The following RBMS3 variants were observed in gnomAD, a reference collection of about 807,000 sequenced individuals.
RBMS3 encodes RNA binding motif single stranded interacting protein 3, also known as RNA-binding motif, single-stranded-interacting protein 3.
In RBMS3, 27 loss-of-function variants were observed where a neutral mutation model predicts 66.8. The observed-to-expected ratio is 0.40, with a 90% CI of 0.30 to 0.56. The LOEUF (loss-of-function observed/expected upper bound fraction) is 0.56, where lower values mean the gene tolerates loss of function less well. Ranked by LOEUF, RBMS3 falls within the 20% of genes least tolerant of loss-of-function variation. The pLI is 0.40. For synonymous variants in RBMS3, 188 were observed against 183.0 expected (o/e 1.03, Z -0.22); for missense variants, 513 against 549.5 (o/e 0.93, Z 0.66).
chr3:29,892,079 C>T (rs1196677217), intron 8 of RBMS3, among the ~76,000 whole-genome samples: 1 of 151,494 alleles, frequency 6.6e-6, no homozygotes. Context: ...ACCGCCAAAT[C>T]CCCTGAAGAT....
intron 4 of RBMS3, among the ~76,000 whole-genome samples, chr3:29,709,824 A>G (rs1179627919): frequency 6.6e-6 from 1 of 152,204 alleles, no homozygotes; most frequent in Non-Finnish European, 1.5e-5. Context: ...TTCTTCCTCT[A>G]AGAAAGCTAT....
At chr3:29,401,704 C>T (rs1210863666) in intron 1 of RBMS3, among the ~76,000 whole-genome samples, 1 of 152,016 alleles carries the variant, frequency 6.6e-6, no homozygotes, top group Non-Finnish European at 1.5e-5. Context: ...ATGGAATTTG[C>T]CTTCTTTTCA....
At chr3:29,388,060 A>C (rs963452563) in intron 1 of RBMS3, among the ~76,000 whole-genome samples, 1 of 150,530 alleles carries the variant, frequency 6.6e-6, no homozygotes, top group African/African-American at 2.5e-5. Context: ...TAACTTCCCC[A>C]ACCAAACTGT....
chr3:29,732,680 T>G (rs1213290131), intron 4 of RBMS3, among the ~76,000 whole-genome samples: 1 of 152,222 alleles, frequency 6.6e-6, no homozygotes, highest in Non-Finnish European at 1.5e-5. Context: ...GGGCAGTTTG[T>G]TAACATGGAA....
At chr3:29,792,016 C>A (rs2057027916) in intron 6 of RBMS3, among the ~76,000 whole-genome samples, 1 of 152,074 alleles carries the variant, frequency 6.6e-6, no homozygotes, top group Admixed American at 6.6e-5. Context: ...TAGTTTATCA[C>A]ATGTTTTTAA....
chr3:29,426,824 A>G (rs1368943558), intron 1 of RBMS3, among the ~76,000 whole-genome samples: 2 of 152,210 alleles, frequency 1.3e-5, no homozygotes, highest in Non-Finnish European at 2.9e-5. Context: ...GATGATAATG[A>G]CAATGGTAAT....
intron 4 of RBMS3, among the ~76,000 whole-genome samples, chr3:29,653,562 T>C (rs745306466): frequency 1.3e-5 from 2 of 152,094 alleles, no homozygotes; most frequent in Non-Finnish European, 2.9e-5. Context: ...TGGACCAGAG[T>C]GAGGATGTGT....
At chr3:29,658,924 G>T (rs563378528) in intron 4 of RBMS3, among the ~76,000 whole-genome samples, 233 of 152,318 alleles carry the variant, frequency 1.5e-3, no homozygotes, top group African/African-American at 5.5e-3. Flanking sequence ...CCGGGTTCAA[G>T]CGATTCTACT....
intron 1 of RBMS3, among the ~76,000 whole-genome samples, chr3:29,322,851 A>T (rs892189911): frequency 6.6e-6 from 1 of 152,150 alleles, no homozygotes; most frequent in Non-Finnish European, 1.5e-5. Flanking sequence ...TAGCCGTTCA[A>T]TGAATAGTAT....
At chr3:29,816,290 A>G (rs2057895221) in intron 6 of RBMS3, among the ~76,000 whole-genome samples, 1 of 135,702 alleles carries the variant, frequency 7.4e-6, no homozygotes, top group Non-Finnish European at 1.5e-5. Flanking sequence ...GCGCACACAC[A>G]GACACACACA....
At chr3:29,399,221 G>GTATA (rs146151806) in intron 1 of RBMS3, among the ~76,000 whole-genome samples, 4 of 151,528 alleles carry the variant, frequency 2.6e-5, no homozygotes, top group Non-Finnish European at 2.9e-5. Context: ...GTGTGTGTGT[G>GTATA]TATATATATA....
chr3:29,701,931 G>A (rs185431736), intron 4 of RBMS3, among the ~76,000 whole-genome samples: 6 of 152,326 alleles, frequency 3.9e-5, no homozygotes, highest in Non-Finnish European at 7.3e-5. Flanking sequence ...GCAGGCCCTC[G>A]GTGTGGGACT....
chr3:29,505,502 TTTTG>T (rs2044147751), intron 3 of RBMS3, among the ~76,000 whole-genome samples: 1 of 107,420 alleles, frequency 9.3e-6, no homozygotes, highest in Non-Finnish European at 1.8e-5. Context: ...ATGCCTTCAA[TTTTG>T]TTTTTTTTTT....
At chr3:29,949,458 C>A (rs1409221575) in intron 12 of RBMS3, among the ~76,000 whole-genome samples, 2 of 151,784 alleles carry the variant, frequency 1.3e-5, no homozygotes, top group Non-Finnish European at 2.9e-5. Context: ...AGAATTTGGT[C>A]TGTGTGCTAT....
intron 5 of RBMS3, among the ~76,000 whole-genome samples, chr3:29,747,211 A>T: frequency 6.6e-6 from 1 of 152,218 alleles, no homozygotes; most frequent in East Asian, 1.9e-4. Context: ...AATTGGGCCA[A>T]TACATTTATT....
At chr3:29,409,037 G>A (rs1462859144) in intron 1 of RBMS3, among the ~76,000 whole-genome samples, 4 of 152,148 alleles carry the variant, frequency 2.6e-5, no homozygotes, top group African/African-American at 9.7e-5. Context: ...AATTCAACTT[G>A]CTCGTAATAT....
intron 7 of RBMS3, among the ~76,000 whole-genome samples, chr3:29,874,902 G>C (rs1272149616): frequency 6.6e-6 from 1 of 152,120 alleles, no homozygotes; most frequent in Non-Finnish European, 1.5e-5. Flanking sequence ...GTGTAAGTTT[G>C]GATTAATGTA....
At chr3:29,977,755 G>A (rs927928660) in intron 12 of RBMS3, among the ~76,000 whole-genome samples, 1 of 151,960 alleles carries the variant, frequency 6.6e-6, no homozygotes, top group African/African-American at 2.4e-5. Context: ...TATAGCATTG[G>A]TGAATATACA....
intron 6 of RBMS3, among the ~76,000 whole-genome samples, chr3:29,825,311 A>G (rs2058182643): frequency 6.6e-6 from 1 of 152,126 alleles, no homozygotes; most frequent in Non-Finnish European, 1.5e-5. Flanking sequence ...TGCTGGGATT[A>G]CAGGTGTGAG....
Sources: gnomAD v4.1 joint callset for allele counts (sites outside exome capture counted in the v4.1 genomes callset) on GRCh38, gnomAD v4.1.1 for gene constraint, MANE v1.5 for transcripts, NCBI Gene and HGNC (gene_info 2026-07-23, HGNC 2026-07-21) for gene names.